ADCY2: variants seen among roughly 807,000 people sequenced by gnomAD.
ADCY2 encodes adenylate cyclase type 2.
In ADCY2, 31 loss-of-function variants were observed where a neutral mutation model predicts 125.2. That is an observed-to-expected ratio of 0.25 (90% CI 0.19 to 0.33). ADCY2 has a LOEUF of 0.33. Ranked by LOEUF, ADCY2 falls within the 10% of genes least tolerant of loss-of-function variation. The pLI, the probability that ADCY2 is intolerant of heterozygous loss-of-function variation, is 1.00. For missense variants in ADCY2, 904 were observed against 1,418.2 expected, an observed-to-expected ratio of 0.64 and a Z score of 5.82; for synonymous variants, 512 against 548.4, an observed-to-expected ratio of 0.93 and a Z score of 0.93.
chr5:7,583,722 C>T (rs1487916771), intron 3 of ADCY2, among the ~76,000 whole-genome samples: 2 of 152,088 alleles, frequency 1.3e-5, no homozygotes, highest in African/African-American at 4.8e-5. Context: ...ATGAATCACA[C>T]CTGCTCTGTG....
At chr5:7,756,521 A>C (rs1742996038) in intron 15 of ADCY2, among the ~76,000 whole-genome samples, 1 of 152,254 alleles carries the variant, frequency 6.6e-6, no homozygotes, top group Non-Finnish European at 1.5e-5. Context: ...AAATCTTGGC[A>C]TAATGCTACA....
chr5:7,403,927 C>A (rs887709827), intron 1 of ADCY2, among the ~76,000 whole-genome samples: 1 of 142,500 alleles, frequency 7.0e-6, no homozygotes, highest in African/African-American at 2.7e-5. Flanking sequence ...TGTTTTTATC[C>A]TTTCAATGCT....
chr5:7,414,074 C>T (rs1158746507), intron 1 of ADCY2, among the ~76,000 whole-genome samples: 1 of 152,184 alleles, frequency 6.6e-6, no homozygotes, highest in Non-Finnish European at 1.5e-5. Flanking sequence ...TTCTATTAAC[C>T]TATGATCCCA....
intron 5 of ADCY2, chr5:7,691,779 T>G (rs946811893): frequency 1.3e-5 from 2 of 155,114 alleles, no homozygotes; most frequent in African/African-American, 4.8e-5. Flanking sequence ...TAACTGAGAC[T>G]GGGTAATTTA....
chr5:7,691,736 G>A (rs1409064191), intron 5 of ADCY2: 4 of 152,706 alleles, frequency 2.6e-5, no homozygotes, highest in African/African-American at 4.8e-5. Flanking sequence ...CTAGCTGGGT[G>A]TAGTTGTCCA....
chr5:7,704,332 C>A (rs1342432075), intron 7 of ADCY2, among the ~76,000 whole-genome samples: 7 of 152,186 alleles, frequency 4.6e-5, no homozygotes, highest in African/African-American at 1.7e-4. Context: ...CACCTCATTC[C>A]CTGCTAGCCC....
chr5:7,677,024 C>A (rs1740149424), intron 4 of ADCY2, among the ~76,000 whole-genome samples: 1 of 152,104 alleles, frequency 6.6e-6, no homozygotes, highest in South Asian at 2.1e-4. Context: ...CACCTGTAAT[C>A]CCTGCGCTTT....
At chr5:7,530,482 C>T (rs1200582886) in intron 3 of ADCY2, among the ~76,000 whole-genome samples, 2 of 152,074 alleles carry the variant, frequency 1.3e-5, no homozygotes, top group Non-Finnish European at 2.9e-5. Context: ...TGGCCTCAAG[C>T]GATCCTCCCA....
intron 14 of ADCY2, among the ~76,000 whole-genome samples, chr5:7,738,331 T>C (rs933997036): frequency 1.3e-5 from 2 of 151,648 alleles, no homozygotes; most frequent in Middle Eastern, 3.4e-3. Context: ...GAGCAATCAC[T>C]AAAAATAAAA....
At chr5:7,477,735 C>A (rs1742574949) in intron 2 of ADCY2, among the ~76,000 whole-genome samples, 1 of 152,074 alleles carries the variant, frequency 6.6e-6, no homozygotes, top group African/African-American at 2.4e-5. Flanking sequence ...GAGGCCTAAT[C>A]AGAACTAAGT....
chr5:7,792,008 C>A (rs780094830), intron 20 of ADCY2, among the ~76,000 whole-genome samples: 8 of 151,938 alleles, frequency 5.3e-5, no homozygotes, highest in Non-Finnish European at 1.0e-4. Flanking sequence ...TTTCCACAGG[C>A]ACCAGGAAAG....
chr5:7,508,309 A>C (rs1743920965), intron 2 of ADCY2, among the ~76,000 whole-genome samples: 1 of 152,160 alleles, frequency 6.6e-6, no homozygotes, highest in African/African-American at 2.4e-5. Context: ...ACTGAATAAC[A>C]AGCCCCAAAT....
chr5:7,592,572 TAA>T (rs1275614001), intron 3 of ADCY2, among the ~76,000 whole-genome samples: 1 of 151,740 alleles, frequency 6.6e-6, no homozygotes, highest in Non-Finnish European at 1.5e-5. Context: ...TTACAAAAAA[TAA>T]AAAGTCTTGA....
At chr5:7,806,259 G>A (rs886301591) in intron 22 of ADCY2, among the ~76,000 whole-genome samples, 2 of 151,860 alleles carry the variant, frequency 1.3e-5, no homozygotes, top group Non-Finnish European at 2.9e-5. Flanking sequence ...GGCTTTCATG[G>A]AAACAAATAT....
intron 4 of ADCY2, among the ~76,000 whole-genome samples, chr5:7,629,375 T>C (rs1028911742): frequency 1.3e-5 from 2 of 152,200 alleles, no homozygotes; most frequent in Admixed American, 6.5e-5. Context: ...TGAAATCTTT[T>C]CAAAATTGCA....
intron 3 of ADCY2, among the ~76,000 whole-genome samples, chr5:7,615,592 A>G (rs1192445406): frequency 2.6e-5 from 4 of 152,114 alleles, no homozygotes; most frequent in Non-Finnish European, 4.4e-5. Flanking sequence ...TAATTTGTAT[A>G]TTTATTTACT....
At chr5:7,543,013 G>A (rs1199156500) in intron 3 of ADCY2, among the ~76,000 whole-genome samples, 3 of 152,064 alleles carry the variant, frequency 2.0e-5, no homozygotes, top group Admixed American at 6.6e-5. Context: ...TCACCAGAGG[G>A]GTGTGCAGAC....
intron 2 of ADCY2, among the ~76,000 whole-genome samples, chr5:7,520,358 C>G (rs541814829): frequency 6.6e-6 from 1 of 152,142 alleles, no homozygotes; most frequent in Admixed American, 6.5e-5. Context: ...CCCCCGTCCC[C>G]GATGATGCCT....
chr5:7,694,672 A>C (rs993585723), intron 5 of ADCY2, among the ~76,000 whole-genome samples: 1 of 152,204 alleles, frequency 6.6e-6, no homozygotes, highest in Non-Finnish European at 1.5e-5. Flanking sequence ...TTATTCATCC[A>C]TCTGTCAATG....
Sources: allele counts gnomAD v4.1 joint callset (sites outside exome capture counted in the v4.1 genomes callset), GRCh38; gene constraint gnomAD v4.1.1; transcripts MANE v1.5; gene names NCBI Gene and HGNC (gene_info 2026-07-23, HGNC 2026-07-21).